The following BAZ1A variants were observed in gnomAD, a reference collection of about 807,000 sequenced individuals.
BAZ1A encodes bromodomain adjacent to zinc finger domain protein 1A.
In BAZ1A, 50 loss-of-function variants were observed where a neutral mutation model predicts 185.2. The ratio of observed to expected loss-of-function variants is 0.27; its 90% CI spans 0.22 to 0.34. The LOEUF (loss-of-function observed/expected upper bound fraction) is 0.34, where lower values mean the gene tolerates loss of function less well. BAZ1A is among the 10% of genes least tolerant of loss of function. BAZ1A has a pLI of 1.00. For synonymous variants in BAZ1A, 571 were observed against 615.6 expected (o/e 0.93, Z 1.07); for missense variants, 1,356 against 1,839.9 (o/e 0.74, Z 4.81).
At chr14:34,853,479 A>C (rs1187301904) in intron 3 of BAZ1A, among the ~76,000 whole-genome samples, 1 of 152,190 alleles carries the variant, frequency 6.6e-6, no homozygotes, top group Non-Finnish European at 1.5e-5. Context: ...CTATACTTGT[A>C]AAGATGCAAA....
At position 34,871,287 on chromosome 14, in the gene BAZ1A, G is replaced by T. The variant is rs937830370; in HGVS notation, c.113+3205C>A. ...TGACCTGGCTGATCTCAAACTCTTGGCCTCAAGTGATCCTCCCACCTCAAC... is the reference window on the plus strand; with the variant it reads ...TGACCTGGCTGATCTCAAACTCTTGTCCTCAAGTGATCCTCCCACCTCAAC... On this transcript the variant is annotated intron_variant, in intron 2 of 26. Coordinates refer to ENST00000360310, the MANE Select transcript of BAZ1A (RefSeq NM_013448.3). Among the ~76,000 whole-genome samples, 4 of 152,220 alleles carry T rather than the reference G, an allele frequency of 2.6e-5. No individual in the cohort carries two copies. The South Asian group carries it at 8.3e-4, about 32-fold the overall frequency.
chr14:34,855,887 G>C (rs1487158081), intron 3 of BAZ1A, among the ~76,000 whole-genome samples: 1 of 152,168 alleles, frequency 6.6e-6, no homozygotes, highest in Non-Finnish European at 1.5e-5. Flanking sequence ...TTAGTGACAA[G>C]AGTGAGAAAC....
At chr14:34,835,548 T>TA (rs2042314677) in intron 3 of BAZ1A, among the ~76,000 whole-genome samples, 1 of 151,920 alleles carries the variant, frequency 6.6e-6, no homozygotes, top group Non-Finnish European at 1.5e-5. Context: ...CGAGGCTCCT[T>TA]AAAGTACTAA....
intron 3 of BAZ1A, among the ~76,000 whole-genome samples, chr14:34,833,857 A>T (rs1385214935): frequency 6.6e-6 from 1 of 152,142 alleles, no homozygotes; most frequent in South Asian, 2.1e-4. Flanking sequence ...CAAAAATAGT[A>T]AAAATTTTAT....
intron 3 of BAZ1A, among the ~76,000 whole-genome samples, chr14:34,851,953 C>T (rs1449576618): frequency 6.6e-6 from 1 of 151,052 alleles, no homozygotes; most frequent in African/African-American, 2.4e-5. Flanking sequence ...TGGTGAAACC[C>T]TGTCTCTACT....
rs752492474 is a variant in BAZ1A at position 34,795,769 on chromosome 14, G to C, written c.1129-4C>G. 1.2e-6 allele frequency: 2 copies of C among 1,604,376 alleles called. No individual in the cohort carries two copies. Among genetic ancestry groups the C allele is most frequent in the Non-Finnish European group, 1.7e-6 (2 of 1,174,722 alleles). Reference sequence around the variant, plus strand: ...CTTCACGTAACTTCTCTCTTTCCTAGAAATTTTTAAAAGTTAATAACAATT... The same window carrying C: ...CTTCACGTAACTTCTCTCTTTCCTACAAATTTTTAAAAGTTAATAACAATT... On this transcript the variant is annotated splice_region_variant and splice_polypyrimidine_tract_variant and intron_variant, in intron 9 of 26. Coordinates refer to ENST00000360310, the MANE Select transcript of BAZ1A (RefSeq NM_013448.3).
chr14:34,765,390 C>T, intron 21 of BAZ1A, 122 bp from the exon 22 acceptor site: 1 of 1,225,990 alleles, frequency 8.2e-7, no homozygotes, highest in African/African-American at 1.5e-5. Context: ...TGATACTTAA[C>T]AAAAAGACCA....
At chr14:34,780,427 A>T (rs1260848538) in intron 16 of BAZ1A, 117 bp from the exon 17 acceptor site, 1 of 1,020,504 alleles carries the variant, frequency 9.8e-7, no homozygotes, top group Non-Finnish European at 1.4e-6. Flanking sequence ...AGTGAACAAC[A>T]TGACACAGTT....
chr14:34,770,172 A>G (rs990969269), intron 21 of BAZ1A, among the ~76,000 whole-genome samples: 1 of 152,170 alleles, frequency 6.6e-6, no homozygotes, highest in Admixed American at 6.5e-5. Flanking sequence ...GTTTTTTTTA[A>G]GACAGAGTTT....
At chr14:34,780,676 GGGAGGAGCT>G (rs1234362011) in intron 16 of BAZ1A, among the ~76,000 whole-genome samples, 2 of 152,122 alleles carry the variant, frequency 1.3e-5, no homozygotes, top group Non-Finnish European at 1.5e-5. Context: ...CAAGAGAAAT[GGGAGGAGCT>G]TATAATTTTG....
chr14:34,854,336 C>T (rs796146967), intron 3 of BAZ1A, among the ~76,000 whole-genome samples: 1 of 151,924 alleles, frequency 6.6e-6, no homozygotes, highest in African/African-American at 2.4e-5. Context: ...GCATGAAATT[C>T]GCTTGAACCC....
chr14:34,764,931 A>G lies in BAZ1A; in HGVS notation c.3552T>C (p.Thr1184=). The G allele has an allele frequency of 6.2e-7, 1 of 1,614,096 alleles. No individual in the cohort carries two copies. The highest frequency in any genetic ancestry group is 2.2e-5 in the East Asian group (1 of 44,882). The change falls in exon 23 of 27, where the codon ACT becomes ACC. Residue 1184 remains threonine (T), a splice_region_variant and synonymous_variant. Transcript: ENST00000360310. ...HTYCVRPKLK[T]VPEGDWFCPE... is the part of the protein sequence containing the mutation. ...GACAAAACCAGTCTCCTTCAGGCAC[A>G]GTCTGAAAAAATCACATAAATGATC...
In BAZ1A at chr14:34,863,152, C is replaced by CTTTT. The variant is rs71121233; in HGVS notation, c.114-834_114-831dup. Among the ~76,000 whole-genome samples the CTTTT allele has an allele frequency of 1.1e-4, 5 of 44,704 alleles. 1 individual carries two copies. The highest frequency in any genetic ancestry group is 9.6e-5 in the Non-Finnish European group (2 of 20,764). 29.3% of individuals were successfully genotyped at this position (44,704 alleles called of 152,430 possible). On this transcript the variant is annotated intron_variant, in intron 2 of 26. Coordinates refer to ENST00000360310, the MANE Select transcript of BAZ1A (RefSeq NM_013448.3). ...TACAGGTGCCCGCCACCACGCTCGG[C>CTTTT]TTTTTTTTTTTTTTTTTTTTTTTTT...
chr14:34,864,601 C>A (rs2042824202), intron 2 of BAZ1A, among the ~76,000 whole-genome samples: 1 of 151,708 alleles, frequency 6.6e-6, no homozygotes, highest in Non-Finnish European at 1.5e-5. Flanking sequence ...CTGCCTCAGC[C>A]TCCTGAGTAG....
intron 12 of BAZ1A, among the ~76,000 whole-genome samples, chr14:34,791,535 G>T (rs1048988340): frequency 6.6e-6 from 1 of 152,108 alleles, no homozygotes; most frequent in Non-Finnish European, 1.5e-5. Flanking sequence ...AAATCAAAAG[G>T]CAACAAACAT....
chr14:34,775,487 T>C (rs1337773774), intron 18 of BAZ1A, among the ~76,000 whole-genome samples: 2 of 152,222 alleles, frequency 1.3e-5, no homozygotes, highest in Non-Finnish European at 2.9e-5. Context: ...AATGCTGCTA[T>C]CCGACCTGCC....
At chr14:34,818,908 G>A (rs540880376) in intron 4 of BAZ1A, among the ~76,000 whole-genome samples, 12 of 152,138 alleles carry the variant, frequency 7.9e-5, no homozygotes, top group Admixed American at 3.3e-4. Context: ...TTGGGAGGCC[G>A]AGGCGGGCGG....
chr14:34,849,751 A>C (rs963505377), intron 3 of BAZ1A, among the ~76,000 whole-genome samples: 9 of 152,138 alleles, frequency 5.9e-5, no homozygotes, highest in Non-Finnish European at 1.3e-4. Context: ...CCGCCAGTAG[A>C]GTTTTTTAAC....
intron 3 of BAZ1A, among the ~76,000 whole-genome samples, chr14:34,836,940 ATG>A (rs1456310344): frequency 6.6e-6 from 1 of 151,966 alleles, no homozygotes; most frequent in African/African-American, 2.4e-5. Context: ...TTTTAAAAAA[ATG>A]TATTATTTTT....
Sources: gnomAD v4.1 joint callset for allele counts (sites outside exome capture counted in the v4.1 genomes callset) on GRCh38, gnomAD v4.1.1 for gene constraint, MANE v1.5 for transcripts, NCBI Gene and HGNC (gene_info 2026-07-23, HGNC 2026-07-21) for gene names.